VWA5B2: variants seen among roughly 807,000 people sequenced by gnomAD.
VWA5B2 encodes von Willebrand factor A domain containing 5B2.
A neutral mutation model predicts 118.5 loss-of-function variants in VWA5B2; 93 were observed. The observed-to-expected ratio is 0.79, with a 90% confidence interval of 0.66 to 0.93. The LOEUF (loss-of-function observed/expected upper bound fraction) is 0.93. Ranked by LOEUF, VWA5B2 falls within the 40% of genes least tolerant of loss-of-function variation. VWA5B2 has a pLI of 0.00. For missense variants in VWA5B2, 1,546 were observed against 1,672.8 expected, an observed-to-expected ratio of 0.92 and a Z score of 1.32; for synonymous variants, 708 against 716.3, an observed-to-expected ratio of 0.99 and a Z score of 0.19.
chr3:184,236,834 G>C, intron 11 of VWA5B2, 85 bp downstream of exon 11: 3 of 1,168,852 alleles, frequency 2.6e-6, no homozygotes, highest in Non-Finnish European at 3.5e-6. Context: ...AACTCAGGCA[G>C]GCCATGGGGG....
Position 184,236,622 on chromosome 3 carries a change from T to A in VWA5B2, c.1422-16T>A. On this transcript the variant is annotated splice_polypyrimidine_tract_variant and intron_variant, in intron 10 of 19. Transcript: ENST00000691901. ...GGGGCTCCTGAAGATCACAGCTGCT[T>A]CCTTTCCTTCATCAGATGCTTCTCC... is the stretch of plus-strand genomic sequence containing the variant. 6.5e-7 allele frequency: 1 copy of A among 1,550,132 alleles called. No homozygotes were observed. Among genetic ancestry groups the A allele is most frequent in the Non-Finnish European group, 8.7e-7 (1 of 1,145,922 alleles).
intron 11 of VWA5B2, 144 bp downstream of exon 11, chr3:184,236,893 G>A: frequency 1.4e-6 from 1 of 736,356 alleles, no homozygotes; most frequent in African/African-American, 1.8e-5. Flanking sequence ...CAGGGGAAGA[G>A]CTGTTGGTGC....
chr3:184,231,593 T>G (rs1486006887), intron 3 of VWA5B2, among the ~76,000 whole-genome samples: 1 of 151,754 alleles, frequency 6.6e-6, no homozygotes, highest in Non-Finnish European at 1.5e-5. Context: ...ACAGGGGGAG[T>G]CATTGTCACA....
In VWA5B2 at chr3:184,239,727, C is replaced by T; in HGVS notation, c.2431C>T (p.Leu811=). Residue 811 remains leucine (L), a synonymous_variant, in exon 16 of 20, where the codon CTG becomes TTG. Coordinates refer to ENST00000691901, the MANE Select transcript of VWA5B2 (RefSeq NM_001390846.1). The surrounding 1 kb of genome is among the most constrained non-coding windows in gnomAD (Gnocchi z 5.1). ...CCCAGCCCCTATGGACTGGGACATG[C>T]TGATGGAACCACCCTTCTTATTCAC... is the stretch of plus-strand genomic sequence containing the variant. The part of the protein sequence containing the change: ...LSPAPMDWDM[L]MEPPFLFTAV... The T allele has an allele frequency of 1.3e-6, 2 of 1,495,194 alleles. No homozygotes were observed. Among genetic ancestry groups the T allele is most frequent in the South Asian group, 2.7e-5 (2 of 74,608 alleles). The allele number at this position is 1,495,194 out of a possible 1,614,324, so 92.6% of individuals were successfully genotyped here. A position where few individuals can be genotyped will look rare whatever the true frequency, so the allele number is the denominator to read the frequency against.
rs1717271241 is a variant in VWA5B2 at position 184,230,523 on chromosome 3, G to A, written c.-6G>A. The A allele has an allele frequency of 4.8e-6, 7 of 1,461,944 alleles. No individual in the cohort carries two copies. The highest frequency in any genetic ancestry group is 6.3e-6 in the Non-Finnish European group (7 of 1,115,648). The allele number at this position is 1,461,944 out of a possible 1,614,324, so 90.6% of individuals were successfully genotyped here. On this transcript the variant is annotated 5_prime_UTR_variant, in exon 2 of 20. Coordinates refer to ENST00000691901, the MANE Select transcript of VWA5B2 (RefSeq NM_001390846.1). The stretch of plus-strand genomic sequence containing the variant: ...CCCGTTCCCGCAGGGCCGGCCTCCC[G>A]GCGCCATGCCCGGCCTGTACTGCCC...
Position 184,235,279 on chromosome 3 carries a change from C to T in VWA5B2, c.1072C>T (p.Leu358Phe). 1 of 1,551,560 alleles carries T rather than the reference C, an allele frequency of 6.4e-7. No homozygotes were observed. The highest frequency in any genetic ancestry group is 8.7e-7 in the Non-Finnish European group (1 of 1,146,938). ...LGTATRELLF[L>F]LDSSSVAHKD... is the part of the protein sequence containing the mutation. ...GACAGCTACTCGGGAGCTACTCTTC[C>T]TTTTGGATAGCAGCAGCGTGGCACA... The change falls in exon 8 of 20, where the codon CTT becomes TTT. Residue 358 changes from leucine to phenylalanine, a missense_variant. Leu to Phe is a conservative substitution (Grantham distance 22). Coordinates refer to ENST00000691901, the MANE Select transcript of VWA5B2 (RefSeq NM_001390846.1).
Position 184,230,935 on chromosome 3 carries a change from G to A in VWA5B2, c.310+18G>A. 8.3e-7 allele frequency: 1 copy of A among 1,210,920 alleles called. No homozygotes were observed. The highest frequency in any genetic ancestry group is 3.4e-5 in the East Asian group (1 of 29,546). The allele number at this position is 1,210,920 out of a possible 1,614,324, so 75.0% of individuals were successfully genotyped here. On this transcript the variant is annotated intron_variant, in intron 3 of 19. Coordinates refer to ENST00000691901, the MANE Select transcript of VWA5B2 (RefSeq NM_001390846.1). ...CGCGCAGGGTGAGTTCCGCGCGCCC[G>A]CACCCGCGCTCCTGAAAGCCGGGCG...
chr3:184,241,201 T>G lies in VWA5B2; in HGVS notation c.2977T>G (p.Ser993Ala). The G allele has an allele frequency of 6.4e-7, 1 of 1,550,468 alleles. No individual in the cohort carries two copies. The highest frequency in any genetic ancestry group is 8.7e-7 in the Non-Finnish European group (1 of 1,146,272). Residue 993 changes from serine (S) to alanine (A), a missense_variant, in exon 19 of 20, where the codon TCT (serine) becomes GCT (alanine). By Grantham distance (99) the Ser-to-Ala change is moderately conservative. This residue lies in a region of VWA5B2 where 763 missense variants were observed against 766.6 expected (regional missense o/e 1.00). Coordinates refer to ENST00000691901, the MANE Select transcript of VWA5B2 (RefSeq NM_001390846.1). The surrounding 1 kb of genome is among the most constrained non-coding windows in gnomAD (Gnocchi z 5.1). The part of the protein sequence containing the change: ...VVYSKGLQRG[S>A]PAGAWDSDQN... ...CCCCACTGCAGGACTTCAGAGAGGC[T>G]CTCCAGCAGGCGCCTGGGACTCGGA...
In VWA5B2 at chr3:184,239,801, G is replaced by C; in HGVS notation, c.2505G>C (p.Gln835His). Residue 835 changes from glutamine to histidine, a missense_variant, in exon 16 of 20, where the codon CAG (glutamine) becomes CAC (histidine). Coordinates refer to ENST00000691901, the MANE Select transcript of VWA5B2 (RefSeq NM_001390846.1). This position sits in a 1 kb window ranked among gnomAD's most constrained non-coding sequence, Gnocchi z 5.1. Reference protein sequence around the residue: ...GELAPPAVPPQAPRCHVVIRG... With the variant: ...GELAPPAVPPHAPRCHVVIRG... The stretch of plus-strand genomic sequence containing the variant: ...TGGCCCCTCCAGCAGTGCCTCCCCA[G>C]GCTCCACGCTGCCATGTGGTGATCC... 1 of 1,547,760 alleles carries C rather than the reference G, an allele frequency of 6.5e-7. No individual in the cohort carries two copies. The highest frequency in any genetic ancestry group is 8.7e-7 in the Non-Finnish European group (1 of 1,144,146).
Position 184,241,362 on chromosome 3 carries a change from G to C in VWA5B2, c.3138G>C (p.Gln1046His). Residue 1046 changes from glutamine to histidine, a missense_variant, in exon 19 of 20, where the codon CAG (glutamine) becomes CAC (histidine). This residue lies in a region of VWA5B2 where 763 missense variants were observed against 766.6 expected (regional missense o/e 1.00). Coordinates refer to ENST00000691901, the MANE Select transcript of VWA5B2 (RefSeq NM_001390846.1). This position sits in a 1 kb window ranked among gnomAD's most constrained non-coding sequence, Gnocchi z 5.1. ...RHKLCSPDPG[Q>H]ANNSEGSDHD... ...AACTCTGTAGCCCTGACCCGGGCCA[G>C]GCCAACAACAGTGAAGGCAGCGACC... 6.4e-7 allele frequency: 1 copy of C among 1,558,632 alleles called. No individual in the cohort carries two copies.
chr3:184,240,803 G>A lies in VWA5B2; in HGVS notation c.2753G>A (p.Arg918Lys), dbSNP rs1354442405. Reference protein sequence around the residue: ...ETTADRGHARRCWLRALQTSK... With the variant: ...ETTADRGHARKCWLRALQTSK... ...CTTGGTTCCACAGGCCATGCCCGGAGGTGCTGGCTTCGAGCCCTTCAGACA... is the reference window on the plus strand; with the variant it reads ...CTTGGTTCCACAGGCCATGCCCGGAAGTGCTGGCTTCGAGCCCTTCAGACA... Residue 918 changes from arginine (R) to lysine (K), a missense_variant, in exon 17 of 20, where the codon AGG becomes AAG. Arg to Lys is a conservative substitution (Grantham distance 26). This residue lies in a region of VWA5B2 where 763 missense variants were observed against 766.6 expected (regional missense o/e 1.00). Transcript: ENST00000691901. The A allele has an allele frequency of 6.4e-7, 1 of 1,551,166 alleles. No individual in the cohort carries two copies. Among genetic ancestry groups the A allele is most frequent in the Admixed American group, 2.0e-5 (1 of 51,002 alleles).
rs577657610 is a variant in VWA5B2 at position 184,239,472 on chromosome 3, G to A, written c.2281G>A (p.Gly761Ser). Reference sequence around the variant, plus strand: ...TGGCCGAAGCCTCTCATCCCCTCCAGGCCGGGCAAACCAAGTCCCCGGCCG... The same window carrying A: ...TGGCCGAAGCCTCTCATCCCCTCCAAGCCGGGCAAACCAAGTCCCCGGCCG... ...LAGRSLSSPP[G>S]RANQVPGRPR... is the part of the protein sequence containing the mutation. The change falls in exon 15 of 20, where the codon GGC becomes AGC. Residue 761 changes from glycine to serine, a missense_variant. Transcript: ENST00000691901. This position sits in a 1 kb window ranked among gnomAD's most constrained non-coding sequence, Gnocchi z 5.1. 9 of 1,550,180 alleles carry A rather than the reference G, an allele frequency of 5.8e-6. No individual in the cohort carries two copies. In the East Asian group the frequency reaches 2.0e-4, roughly 34 times the overall value.
At position 184,237,783 on chromosome 3, in the gene VWA5B2, C is replaced by T. The variant is rs575519916; in HGVS notation, c.1719+372C>T. Reference sequence around the variant, plus strand: ...ACCAGCCAGCGTATTTTCTGGGACACGCAGTGATGGATGAGCATAACCTAG... The same window carrying T: ...ACCAGCCAGCGTATTTTCTGGGACATGCAGTGATGGATGAGCATAACCTAG... On this transcript the variant is annotated intron_variant, in intron 12 of 19. Coordinates refer to ENST00000691901, the MANE Select transcript of VWA5B2 (RefSeq NM_001390846.1). The surrounding 1 kb of genome is among the most constrained non-coding windows in gnomAD (Gnocchi z 5.6). 9.2e-5 allele frequency among the ~76,000 whole-genome samples: 14 copies of T among 152,324 alleles called. No individual in the cohort carries two copies. Among genetic ancestry groups the T allele is most frequent in the Admixed American group, 2.6e-4 (4 of 15,302 alleles).
chr3:184,241,132 G>T lies in VWA5B2; in HGVS notation c.2962+25G>T. 1 of 1,551,680 alleles carries T rather than the reference G, an allele frequency of 6.4e-7. No individual in the cohort carries two copies. Among genetic ancestry groups the T allele is most frequent in the Non-Finnish European group, 8.7e-7 (1 of 1,146,962 alleles). On this transcript the variant is annotated intron_variant, in intron 18 of 19. Coordinates refer to ENST00000691901, the MANE Select transcript of VWA5B2 (RefSeq NM_001390846.1). This position sits in a 1 kb window ranked among gnomAD's most constrained non-coding sequence, Gnocchi z 5.1. ...GGTAACACCCAAAGGTAGGGAAAGGGTAGGGGCACTTGGGCTTAGAGACCG... is the reference window on the plus strand; with the variant it reads ...GGTAACACCCAAAGGTAGGGAAAGGTTAGGGGCACTTGGGCTTAGAGACCG...
intron 7 of VWA5B2, 124 bp from the exon 8 acceptor site, chr3:184,235,029 C>G (rs1479600811): frequency 3.2e-6 from 4 of 1,268,678 alleles, no homozygotes; most frequent in Non-Finnish European, 4.3e-6. Context: ...ATTCGAATTA[C>G]TACAAAAAGA....
Position 184,242,205 on chromosome 3 carries a change from C to G in VWA5B2, c.*167C>G, listed in dbSNP as rs1718805108. On this transcript the variant is annotated 3_prime_UTR_variant, in exon 20 of 20. Coordinates refer to ENST00000691901, the MANE Select transcript of VWA5B2 (RefSeq NM_001390846.1). ...TCTTGCCCCCACAAAAAGTGCCTGC[C>G]TGTGCTCTCTCCCTCTCCTCCCACC... The G allele has an allele frequency of 2.3e-6, 2 of 880,758 alleles. No individual in the cohort carries two copies. The highest frequency in any genetic ancestry group is 5.3e-5 in the East Asian group (2 of 37,772). The allele number at this position is 880,758 out of a possible 1,614,324, so 54.6% of individuals were successfully genotyped here.
chr3:184,236,179 C>T lies in VWA5B2; in HGVS notation c.1129C>T (p.Leu377Phe). The T allele has an allele frequency of 1.3e-6, 2 of 1,551,688 alleles. No homozygotes were observed. The highest frequency in any genetic ancestry group is 1.7e-6 in the Non-Finnish European group (2 of 1,147,002). Residue 377 changes from leucine to phenylalanine, a missense_variant, in exon 9 of 20, where the codon CTC becomes TTC. Transcript: ENST00000691901. ...KDAIVLAVKS[L>F]PPQTLINLAV... ...TGCCATTGTTTTGGCTGTGAAGTCC[C>T]TCCCGCCCCAGACGCTTATCAACCT...
chr3:184,241,949 G>GC lies in VWA5B2; in HGVS notation c.3642dup (p.Ala1215ArgfsTer60), dbSNP rs771559804. The GC allele has an allele frequency of 1.3e-6, 2 of 1,549,484 alleles. No individual in the cohort carries two copies. Among genetic ancestry groups the GC allele is most frequent in the Admixed American group, 3.9e-5 (2 of 50,980 alleles). On this transcript the variant is annotated frameshift_variant, in exon 20 of 20. Coordinates refer to ENST00000691901, the MANE Select transcript of VWA5B2 (RefSeq NM_001390846.1). LOFTEE classifies it high-confidence loss of function. This position sits in a 1 kb window ranked among gnomAD's most constrained non-coding sequence, Gnocchi z 5.1. ...CGGCCTTGACCTGGCCGCCCTCAAG[G>GC]CCGCAGCCCGAGGGCTCTTCCTGCT...
chr3:184,241,513 C>A lies in VWA5B2; in HGVS notation c.3204C>A (p.Gly1068=). 6.4e-7 allele frequency: 1 copy of A among 1,550,816 alleles called. No homozygotes were observed. The highest frequency in any genetic ancestry group is 1.7e-4 in the Middle Eastern group (1 of 5,988). ...AGGTGCGGCTGCAGGAGGCACCAGG[C>A]TCCTTCCGCCTGGACGCGCCCTTCT... ...LPLVRLQEAP[G]SFRLDAPFCA... Residue 1068 remains glycine (G), a synonymous_variant, in exon 20 of 20, where the codon GGC becomes GGA. Coordinates refer to ENST00000691901, the MANE Select transcript of VWA5B2 (RefSeq NM_001390846.1). The surrounding 1 kb of genome is among the most constrained non-coding windows in gnomAD (Gnocchi z 5.1).
Sources: allele counts gnomAD v4.1 joint callset (sites outside exome capture counted in the v4.1 genomes callset), GRCh38; gene constraint gnomAD v4.1.1; regional missense constraint gnomAD v4.1.1; non-coding constraint Gnocchi (gnomAD v3.1); transcripts MANE v1.5; gene names NCBI Gene and HGNC (gene_info 2026-07-23, HGNC 2026-07-21).